Variants in UMODL1 observed in about 807,000 individuals in gnomAD.
The protein encoded by UMODL1 is uromodulin-like 1.
A neutral mutation model predicts 136.3 loss-of-function variants in UMODL1; 128 were observed. The observed-to-expected ratio is 0.94, with a 90% CI of 0.81 to 1.09. UMODL1 has a LOEUF of 1.09. Ranked by LOEUF, UMODL1 falls within the 50% of genes least tolerant of loss-of-function variation. UMODL1 has a pLI of 0.00. For synonymous variants in UMODL1, 721 were observed against 720.0 expected (o/e 1.00, Z -0.02); for missense variants, 1,766 against 1,725.6 (o/e 1.02, Z -0.41).
chr21:42,073,287 C>T (rs958928579), intron 1 of UMODL1, among the ~76,000 whole-genome samples: 10 of 152,200 alleles, frequency 6.6e-5, no homozygotes, highest in Admixed American at 1.3e-4. Context: ...GCGTTCCTTC[C>T]GGCCATATTC....
At position 42,076,225 on chromosome 21, in the gene UMODL1, G is replaced by A. The variant is rs1457035650; in HGVS notation, c.297G>A (p.Gln99=). 3 of 1,614,138 alleles carry A rather than the reference G, an allele frequency of 1.9e-6. No individual in the cohort carries two copies. ...CTGACTGCTGTGAGGGCTATGAACA[G>A]CTCGGCCTCTACTGTGTCTTGCGTG... is the stretch of plus-strand genomic sequence containing the variant. The part of the protein sequence containing the change: ...NVTDCCEGYE[Q]LGLYCVLPLN... Residue 99 remains glutamine (Q), a synonymous_variant, in exon 2 of 23, where the codon CAG becomes CAA. Coordinates refer to ENST00000408910, the MANE Select transcript of UMODL1 (RefSeq NM_001004416.3).
intron 21 of UMODL1, among the ~76,000 whole-genome samples, chr21:42,133,784 C>T (rs2067164412): frequency 6.6e-6 from 1 of 152,226 alleles, no homozygotes; most frequent in Non-Finnish European, 1.5e-5. Context: ...TCATGTTGGA[C>T]TAGGGGCCTA....
At chr21:42,068,047 G>C (rs901486947), upstream of UMODL1, among the ~76,000 whole-genome samples, 5 of 152,172 alleles carry the variant, frequency 3.3e-5, no homozygotes, top group African/African-American at 1.2e-4. This position sits in a 1 kb window ranked among gnomAD's most constrained non-coding sequence, Gnocchi z 5.5. Flanking sequence ...TCTCCAGAAG[G>C]GTCCGAAGGC....
intron 6 of UMODL1, chr21:42,093,963 G>A (rs1183032719): frequency 2.2e-6 from 1 of 456,740 alleles, no homozygotes. Flanking sequence ...ATAGATTCCT[G>A]CTCTGTGGCT....
intron 5 of UMODL1, among the ~76,000 whole-genome samples, chr21:42,089,035 T>C (rs971734966): frequency 1.3e-5 from 2 of 152,112 alleles, no homozygotes; most frequent in Non-Finnish European, 2.9e-5. Flanking sequence ...TGTTGTTCTA[T>C]GTCAGGAATT....
intron 2 of UMODL1, among the ~76,000 whole-genome samples, chr21:42,083,595 C>A (rs1434940879): frequency 6.6e-6 from 1 of 152,278 alleles, no homozygotes; most frequent in Non-Finnish European, 1.5e-5. Context: ...GCTTCATTCC[C>A]TGAGGCTCTC....
chr21:42,093,812 T>C (rs2066521441), intron 6 of UMODL1: 2 of 450,498 alleles, frequency 4.4e-6, no homozygotes, highest in East Asian at 7.1e-5. Context: ...CTCCAGGTAT[T>C]AAAAATTTCC....
intron 2 of UMODL1, among the ~76,000 whole-genome samples, chr21:42,080,324 G>A (rs1354040221): frequency 6.6e-6 from 1 of 152,208 alleles, no homozygotes; most frequent in African/African-American, 2.4e-5. Flanking sequence ...GAAATACTGG[G>A]AAGCGTGAAG....
At chr21:42,107,232 T>C (rs55725458) in intron 9 of UMODL1, among the ~76,000 whole-genome samples, 48,511 of 152,140 alleles carry the variant, frequency 0.32, 8,009 homozygotes, top group African/African-American at 0.4. Flanking sequence ...TGGGCTTCTA[T>C]GAGGCACCGC....
chr21:42,139,890 A>G (rs181470121), intron 22 of UMODL1, among the ~76,000 whole-genome samples: 13 of 152,146 alleles, frequency 8.5e-5, no homozygotes, highest in African/African-American at 2.9e-4. Context: ...CAAAGCTAAC[A>G]CAAGCGTCCC....
intron 1 of UMODL1, among the ~76,000 whole-genome samples, chr21:42,063,831 A>C (rs2066161262): frequency 6.6e-6 from 1 of 152,180 alleles, no homozygotes; most frequent in Non-Finnish European, 1.5e-5. Flanking sequence ...CCCTTTCGGA[A>C]GCAGCCGTGT....
At chr21:42,101,113 C>T (rs1021024411) in intron 7 of UMODL1, among the ~76,000 whole-genome samples, 1 of 151,362 alleles carries the variant, frequency 6.6e-6, no homozygotes, top group Non-Finnish European at 1.5e-5. Context: ...TTTGTAGAGC[C>T]CTTTTTTAAG....
intron 9 of UMODL1, 107 bp from the exon 10 acceptor site, chr21:42,109,455 C>A: frequency 6.7e-7 from 1 of 1,502,740 alleles, no homozygotes; most frequent in Non-Finnish European, 9.0e-7. Flanking sequence ...TGCTCCCGGC[C>A]GTTCACTGCA....
chr21:42,134,375 A>G (rs1239562044), intron 21 of UMODL1, among the ~76,000 whole-genome samples: 1 of 152,170 alleles, frequency 6.6e-6, no homozygotes, highest in Non-Finnish European at 1.5e-5. Context: ...TTCTTTTCCT[A>G]GCTGGCCCAC....
At chr21:42,089,749 A>G (rs1051475655) in intron 5 of UMODL1, among the ~76,000 whole-genome samples, 2 of 152,246 alleles carry the variant, frequency 1.3e-5, no homozygotes, top group Admixed American at 1.3e-4. Flanking sequence ...AGAACTAATA[A>G]TCACTCATTT....
At chr21:42,066,378 G>A (rs148799049), upstream of UMODL1, among the ~76,000 whole-genome samples, 1,590 of 152,302 alleles carry the variant, frequency 0.01, 24 homozygotes, top group African/African-American at 0.036. Context: ...CACCTCCTGG[G>A]TTCAAGCAAT....
At position 42,115,979 on chromosome 21, in the gene UMODL1, C is replaced by A; in HGVS notation, c.2469C>A (p.Phe823Leu). ...ATCGAGATTTCCTAGAACTATTCTT[C>A]AGGATGGTGAGTTGGTGATATCAGC... ...QEYRDFLELF[F>L]RMVRGSLPAT... is the part of the protein sequence containing the mutation. The change falls in exon 14 of 23, where the codon TTC becomes TTA. Residue 823 changes from phenylalanine to leucine, a missense_variant. Coordinates refer to ENST00000408910, the MANE Select transcript of UMODL1 (RefSeq NM_001004416.3). 2 of 1,611,816 alleles carry A rather than the reference C, an allele frequency of 1.2e-6. No individual in the cohort carries two copies. The highest frequency in any genetic ancestry group is 1.7e-6 in the Non-Finnish European group (2 of 1,178,290).
chr21:42,108,992 C>G (rs918798558), intron 9 of UMODL1, among the ~76,000 whole-genome samples: 1 of 92,648 alleles, frequency 1.1e-5, no homozygotes, highest in Non-Finnish European at 2.0e-5. Context: ...TTATGCTCAG[C>G]TGGACCCCCA....
rs1309428866 is a variant in UMODL1, at chr21:42,102,254, C to A, written c.1275C>A (p.Asp425Glu). The A allele has an allele frequency of 2.2e-5, 35 of 1,612,744 alleles. No homozygotes were observed. Among genetic ancestry groups the A allele is most frequent in the Non-Finnish European group, 2.6e-5 (31 of 1,179,232 alleles). Residue 425 changes from aspartate to glutamate, a missense_variant, in exon 8 of 23, where the codon GAC becomes GAA. Asp to Glu is a conservative substitution (Grantham distance 45). Coordinates refer to ENST00000408910, the MANE Select transcript of UMODL1 (RefSeq NM_001004416.3). ...ACCGCAGCAGTGTGGAGTACCAGGA[C>A]TTTTCTAGACAACTGCTTCACGAGG... is the stretch of plus-strand genomic sequence containing the variant. The part of the protein sequence containing the change: ...LLNRSSVEYQ[D>E]FSRQLLHEVE...
Sources: gnomAD v4.1 joint callset for allele counts (sites outside exome capture counted in the v4.1 genomes callset) on GRCh38, gnomAD v4.1.1 for gene constraint, Gnocchi (gnomAD v3.1) non-coding constraint, MANE v1.5 for transcripts, NCBI Gene and HGNC (gene_info 2026-07-23, HGNC 2026-07-21) for gene names.